ERC2: variants seen among roughly 807,000 people sequenced by gnomAD.
The protein encoded by ERC2 is ELKS/RAB6-interacting/CAST family member 2.
ERC2 carries 42 observed loss-of-function variants against 114.8 expected under a neutral mutation model. The observed-to-expected ratio is 0.37, with a 90% CI of 0.29 to 0.47. The LOEUF (loss-of-function observed/expected upper bound fraction) is 0.47, where lower values mean the gene tolerates loss of function less well. Among genes scored for constraint, ERC2 ranks in the 20% least tolerant of loss-of-function variants. The pLI, the probability that ERC2 is intolerant of heterozygous loss-of-function variation, is 0.99. For missense variants in ERC2, 939 were observed against 1,150.7 expected, an observed-to-expected ratio of 0.82 and a Z score of 2.66; for synonymous variants, 454 against 425.5, an observed-to-expected ratio of 1.07 and a Z score of -0.82.
rs75348363 is a variant in ERC2, at chr3:56,337,185, C to T, written c.658-40750G>A. The stretch of plus-strand genomic sequence containing the variant: ...CAAGCTCCCAGATATCCCATTTTTC[C>T]TATGTTTCTTCCTTCTGGAAAACCG... On this transcript the variant is annotated intron_variant, in intron 2 of 17. Coordinates refer to ENST00000288221, the MANE Select transcript of ERC2 (RefSeq NM_015576.3). Among the ~76,000 whole-genome samples, 25 of 152,286 alleles carry T rather than the reference C, an allele frequency of 1.6e-4. No homozygotes were observed. In the East Asian group the frequency reaches 4.8e-3, roughly 29 times the overall value.
chr3:55,714,503 C>T (rs931320684), intron 15 of ERC2, among the ~76,000 whole-genome samples: 4 of 151,474 alleles, frequency 2.6e-5, no homozygotes, highest in East Asian at 3.9e-4. Flanking sequence ...AAGAGTGATA[C>T]GTATTTGTAT....
In ERC2 at chr3:55,508,825, G is replaced by A. The variant is rs551551341; in HGVS notation, c.*2491C>T. 6.6e-6 allele frequency: 1 copy of A among 152,446 alleles called. No homozygotes were observed. The highest frequency in any genetic ancestry group is 2.4e-5 in the African/African-American group (1 of 41,462). 9.4% of individuals were successfully genotyped at this position (152,446 alleles called of 1,614,324 possible). A position where few individuals can be genotyped will look rare whatever the true frequency, so the allele number is the denominator to read the frequency against. ...AGACTGTACATCGAAATCAAATGGG[G>A]TATAAAGCACAAGCCTGCTTTTGCA... On this transcript the variant is annotated 3_prime_UTR_variant, in exon 18 of 18. Transcript: ENST00000288221.
At chr3:56,098,792 C>A (rs925597093) in intron 6 of ERC2, among the ~76,000 whole-genome samples, 4 of 152,118 alleles carry the variant, frequency 2.6e-5, no homozygotes, top group African/African-American at 9.7e-5. Flanking sequence ...GTTTGGGGAG[C>A]CATGGCATGC....
chr3:56,262,234 C>T (rs1042382608), intron 3 of ERC2, among the ~76,000 whole-genome samples: 1 of 152,122 alleles, frequency 6.6e-6, no homozygotes, highest in African/African-American at 2.4e-5. Flanking sequence ...TCCTGCTGGC[C>T]CCTGCTGTGT....
rs35915351 is a variant in ERC2 at position 56,416,659 on chromosome 3, TAAAA to T, written c.657+17688_657+17691del. Among the ~76,000 whole-genome samples, 357 of 104,292 alleles carry T rather than the reference TAAAA, an allele frequency of 3.4e-3. 1 individual carries two copies. The highest frequency in any genetic ancestry group is 0.012 in the African/African-American group (344 of 28,528). 68.4% of individuals were successfully genotyped at this position (104,292 alleles called of 152,430 possible). On this transcript the variant is annotated intron_variant, in intron 2 of 17. Transcript: ENST00000288221. ...CGCTTTGCCAACAACAAAACATGAT[TAAAA>T]AAAAAAAAAAAAAAAAAACTCCTGA... is the stretch of plus-strand genomic sequence containing the variant.
Position 56,133,001 on chromosome 3 carries a change from C to A in ERC2, c.1473+6508G>T, listed in dbSNP as rs541973521. Reference sequence around the variant, plus strand: ...CACTATTATTATAGCCATAATGTTACCACGAGGATTTAAGCCTCAGAGTTA... The same window carrying A: ...CACTATTATTATAGCCATAATGTTAACACGAGGATTTAAGCCTCAGAGTTA... On this transcript the variant is annotated intron_variant, in intron 6 of 17. Transcript: ENST00000288221. Among the ~76,000 whole-genome samples, 23 of 152,262 alleles carry A rather than the reference C, an allele frequency of 1.5e-4. No individual in the cohort carries two copies. In the East Asian group the frequency reaches 4.2e-3, roughly 28 times the overall value.
At chr3:56,447,098 C>T (rs1355371008) in intron 1 of ERC2, among the ~76,000 whole-genome samples, 1 of 152,206 alleles carries the variant, frequency 6.6e-6, no homozygotes, top group Non-Finnish European at 1.5e-5. Flanking sequence ...CCTCATGTTC[C>T]CATACAGGCC....
At chr3:55,877,566 C>CA (rs1559803222) in intron 14 of ERC2, among the ~76,000 whole-genome samples, 1 of 148,734 alleles carries the variant, frequency 6.7e-6, no homozygotes, top group Non-Finnish European at 1.5e-5. Flanking sequence ...GGCAGGAGTG[C>CA]AGTGATGCAA....
At chr3:55,650,508 C>T (rs2148675899) in intron 17 of ERC2, among the ~76,000 whole-genome samples, 1 of 152,288 alleles carries the variant, frequency 6.6e-6, no homozygotes, top group South Asian at 2.1e-4. Flanking sequence ...CCTTCATTTC[C>T]TTCTTTGTAC....
At chr3:56,378,659 T>C (rs2059638843) in intron 2 of ERC2, among the ~76,000 whole-genome samples, 1 of 151,944 alleles carries the variant, frequency 6.6e-6, no homozygotes, top group East Asian at 1.9e-4. Flanking sequence ...ATTTTTTCCA[T>C]ATAATTCCAA....
intron 3 of ERC2, among the ~76,000 whole-genome samples, chr3:56,233,626 A>C (rs1224755046): frequency 6.6e-6 from 1 of 152,140 alleles, no homozygotes; most frequent in African/African-American, 2.4e-5. Context: ...CAACCAAAAA[A>C]AAAAAAAAAC....
chr3:55,795,886 T>C (rs1436159837), intron 14 of ERC2, among the ~76,000 whole-genome samples: 1 of 152,186 alleles, frequency 6.6e-6, no homozygotes, highest in Non-Finnish European at 1.5e-5. Flanking sequence ...GAGTACCTAC[T>C]ATTGGCCAGG....
At chr3:56,387,338 T>G (rs1465620929) in intron 2 of ERC2, among the ~76,000 whole-genome samples, 1 of 152,168 alleles carries the variant, frequency 6.6e-6, no homozygotes, top group Non-Finnish European at 1.5e-5. Context: ...TTCTGCATAA[T>G]CCTCAAGGAT....
intron 17 of ERC2, among the ~76,000 whole-genome samples, chr3:55,656,050 G>T (rs1291499011): frequency 6.6e-6 from 1 of 152,172 alleles, no homozygotes; most frequent in Non-Finnish European, 1.5e-5. Context: ...TGTCTGCAAA[G>T]CTGCTTGGCC....
chr3:55,743,142 A>T (rs1180853276), intron 14 of ERC2, among the ~76,000 whole-genome samples: 1 of 152,184 alleles, frequency 6.6e-6, no homozygotes, highest in African/African-American at 2.4e-5. Context: ...CTAATAGCAC[A>T]TGACTGGAAT....
At chr3:55,856,254 G>A (rs926385706) in intron 14 of ERC2, among the ~76,000 whole-genome samples, 1 of 152,138 alleles carries the variant, frequency 6.6e-6, no homozygotes, top group Non-Finnish European at 1.5e-5. Context: ...GTGATACTAA[G>A]GAACAGCTCT....
intron 14 of ERC2, among the ~76,000 whole-genome samples, chr3:55,747,343 G>A (rs990893431): frequency 6.6e-6 from 1 of 151,962 alleles, no homozygotes; most frequent in African/African-American, 2.4e-5. Context: ...TGGACACAGA[G>A]TTTCTTCCAA....
intron 17 of ERC2, among the ~76,000 whole-genome samples, chr3:55,538,774 G>T (rs2054170936): frequency 6.6e-6 from 1 of 152,040 alleles, no homozygotes; most frequent in Admixed American, 6.6e-5. Context: ...TTTTCCACCC[G>T]ACCAAAGACT....
At chr3:56,211,202 A>G (rs9842348) in intron 3 of ERC2, among the ~76,000 whole-genome samples, 4,353 of 152,244 alleles carry the variant, frequency 0.029, 69 homozygotes, top group Middle Eastern at 0.054. Context: ...GGAAAACCCT[A>G]AAGACTCATC....
Sources: gnomAD v4.1 joint callset for allele counts (sites outside exome capture counted in the v4.1 genomes callset) on GRCh38, gnomAD v4.1.1 for gene constraint, MANE v1.5 for transcripts, NCBI Gene and HGNC (gene_info 2026-07-23, HGNC 2026-07-21) for gene names.